The following ZNF275 variants were observed in gnomAD, a reference collection of about 807,000 sequenced individuals.
ZNF275 encodes the protein zinc finger protein 275.
ZNF275 carries 4 observed loss-of-function variants against 4.3 expected under a neutral mutation model. The observed-to-expected ratio is 0.93, with a 90% confidence interval of 0.46 to 2.13. The LOEUF (loss-of-function observed/expected upper bound fraction) is 2.13. Among genes scored for constraint, ZNF275 ranks in the 30% most tolerant of loss-of-function variants. ZNF275 has a pLI of 0.02. For synonymous variants in ZNF275, 173 were observed against 166.9 expected (o/e 1.04, Z -0.28); for missense variants, 352 against 397.1 (o/e 0.89, Z 0.97).
Position 153,347,167 on chromosome X carries a change from G to A in ZNF275, c.482G>A (p.Ser161Asn). The A allele has an allele frequency of 8.3e-7, 1 of 1,210,184 alleles. No individual in the cohort carries two copies. Among genetic ancestry groups the A allele is most frequent in the South Asian group, 1.8e-5 (1 of 56,782 alleles). ...GCTGCGGAGCCCCAGCCCGGCCCCA[G>A]TAGGGCCCTGGAGAATGCCGCGGAG... ...HVAAEPQPGP[S>N]RALENAAEKR... The change falls in exon 4 of 4, where the codon AGT (serine) becomes AAT (asparagine). Residue 161 changes from serine to asparagine, a missense_variant. Physicochemically the swap from Ser to Asn is conservative, Grantham distance 46. Transcript: ENST00000650114.
At chrX:153,345,323 C>A in intron 2 of ZNF275, 197 bp from the exon 3 acceptor site, 1 of 347,702 alleles carries the variant, frequency 2.9e-6, no homozygotes, top group Non-Finnish European at 5.1e-6. Flanking sequence ...CCAAGGTGGG[C>A]CCAGAGGCTG....
chrX:153,334,192 G>A lies in ZNF275; in HGVS notation c.-140G>A, dbSNP rs1480778879. 1 of 111,395 alleles carries A rather than the reference G, an allele frequency of 9.0e-6. No individual in the cohort carries two copies. Among genetic ancestry groups the A allele is most frequent in the Non-Finnish European group, 1.9e-5 (1 of 52,744 alleles). 9.2% of individuals were successfully genotyped at this position (111,395 alleles called of 1,213,427 possible). ...GGGCTGTTAGCTCGGCTGGGCACGG[G>A]CGGCTCCGTGGCGCTTCCTGCCACG... On this transcript the variant is annotated 5_prime_UTR_variant, in exon 1 of 4. Coordinates refer to ENST00000650114, the MANE Select transcript of ZNF275 (RefSeq NM_001367757.1).
intron 2 of ZNF275, chrX:153,343,559 G>A: frequency 9.9e-6 from 3 of 303,676 alleles, no homozygotes; most frequent in Non-Finnish European, 1.9e-5. Flanking sequence ...CTTTTCATTT[G>A]GGTTGAACAC....
chrX:153,337,918 G>A (rs1301085312), intron 2 of ZNF275, among the ~76,000 whole-genome samples: 1 of 112,165 alleles, frequency 8.9e-6, no homozygotes, highest in African/African-American at 3.3e-5. Flanking sequence ...TGCACCCTAT[G>A]AGATTCAGGA....
At chrX:153,335,027 G>A (rs1006805195) in intron 1 of ZNF275, among the ~76,000 whole-genome samples, 7 of 110,938 alleles carry the variant, frequency 6.3e-5, no homozygotes, top group South Asian at 3.8e-4. Context: ...ACTGGGGGCC[G>A]CCATCTCCCA....
At chrX:153,336,528 C>T in intron 1 of ZNF275, 106 bp from the exon 2 acceptor site, 1 of 540,504 alleles carries the variant, frequency 1.9e-6, no homozygotes, top group South Asian at 3.1e-5. Flanking sequence ...TCAGTTGAAC[C>T]CTGTATCTGG....
chrX:153,334,560 G>T (rs1392366802), intron 1 of ZNF275, among the ~76,000 whole-genome samples: 1 of 111,034 alleles, frequency 9.0e-6, no homozygotes, highest in African/African-American at 3.3e-5. Context: ...TGACGAGTAC[G>T]AAGAGGCCCG....
intron 1 of ZNF275, chrX:153,335,461 C>T (rs781836430): frequency 4.7e-5 from 5 of 106,386 alleles, no homozygotes; most frequent in Non-Finnish European, 9.8e-5. Context: ...AAGCCACTTG[C>T]ACAGTATCTG....
rs782734867 is a variant in ZNF275, at chrX:153,347,352, C to T, written c.667C>T (p.His223Tyr). The change falls in exon 4 of 4, where the codon CAC becomes TAC. Residue 223 changes from histidine (H) to tyrosine (Y), a missense_variant. By Grantham distance (83) the His-to-Tyr change is moderately conservative (BLOSUM62 2). Coordinates refer to ENST00000650114, the MANE Select transcript of ZNF275 (RefSeq NM_001367757.1). Reference protein sequence around the residue: ...ECGRSFKVNTHLFRHQKLHTS... With the variant: ...ECGRSFKVNTYLFRHQKLHTS... ...CGGGCGGTCGTTCAAAGTCAACACCCACCTCTTCCGACATCAGAAACTTCA... is the reference window on the plus strand; with the variant it reads ...CGGGCGGTCGTTCAAAGTCAACACCTACCTCTTCCGACATCAGAAACTTCA... 20 of 1,212,240 alleles carry T rather than the reference C, an allele frequency of 1.6e-5. No homozygotes were observed. The highest frequency in any genetic ancestry group is 2.1e-5 in the Non-Finnish European group (19 of 895,508).
At chrX:153,334,921 G>T (rs1451951473) in intron 1 of ZNF275, among the ~76,000 whole-genome samples, 1 of 108,184 alleles carries the variant, frequency 9.2e-6, no homozygotes. Flanking sequence ...GGGGCCGGTA[G>T]GTAGCCTAGA....
chrX:153,340,352 C>A (rs1019731633), intron 2 of ZNF275, among the ~76,000 whole-genome samples: 1 of 112,209 alleles, frequency 8.9e-6, no homozygotes, highest in Admixed American at 9.4e-5. Flanking sequence ...GGGCCTGTCT[C>A]TAGGCTTTCT....
At chrX:153,335,890 A>G (rs1292280864) in intron 1 of ZNF275, among the ~76,000 whole-genome samples, 1 of 111,473 alleles carries the variant, frequency 9.0e-6, no homozygotes, top group Admixed American at 9.5e-5. Flanking sequence ...TTTCTCACCC[A>G]GTGATCCAGC....
Position 153,348,054 on chromosome X carries a change from A to G in ZNF275, c.*79A>G, listed in dbSNP as rs1556961913. The G allele has an allele frequency of 3.0e-6, 3 of 997,015 alleles. No homozygotes were observed. The African/African-American group carries it at 5.8e-5, about 19-fold the overall frequency. The allele number at this position is 997,015 out of a possible 1,213,427, so 82.2% of individuals were successfully genotyped here. A position where few individuals can be genotyped will look rare whatever the true frequency, so the allele number is the denominator to read the frequency against. On this transcript the variant is annotated 3_prime_UTR_variant, in exon 4 of 4. Transcript: ENST00000650114. ...AGTCAAAGGAGATGAACAGTTTTGT[A>G]GCGCTTATATATTTTGTCTTCCAAA...
Position 153,347,105 on chromosome X carries a change from G to T in ZNF275, c.420G>T (p.Gly140=). 8.3e-7 allele frequency: 1 copy of T among 1,211,499 alleles called. No individual in the cohort carries two copies. The highest frequency in any genetic ancestry group is 1.1e-6 in the Non-Finnish European group (1 of 895,331). Residue 140 remains glycine, a synonymous_variant, in exon 4 of 4, where the codon GGG becomes GGT. Coordinates refer to ENST00000650114, the MANE Select transcript of ZNF275 (RefSeq NM_001367757.1). ...GCGACTGCGGGAAGGTCTTTAGGGG[G>T]GTGGCGGAGTTTAATGAGCACAGGA... is the stretch of plus-strand genomic sequence containing the variant. ...ECGDCGKVFR[G]VAEFNEHRKS...
At chrX:153,346,273 G>A (rs1556961533) in intron 3 of ZNF275, among the ~76,000 whole-genome samples, 1 of 109,262 alleles carries the variant, frequency 9.2e-6, no homozygotes. Context: ...TGGGGTTCTA[G>A]TTAGTGTTTG....
intron 2 of ZNF275, among the ~76,000 whole-genome samples, chrX:153,339,048 G>C (rs1279658772): frequency 9.0e-6 from 1 of 111,161 alleles, no homozygotes; most frequent in African/African-American, 3.3e-5. Flanking sequence ...ATTACAGGAA[G>C]GGAGATGCAT....
rs1556961711 is a variant in ZNF275, at chrX:153,347,250, C to T, written c.565C>T (p.Arg189Trp). The T allele has an allele frequency of 6.6e-6, 8 of 1,209,248 alleles. No individual in the cohort carries two copies. Among genetic ancestry groups the T allele is most frequent in the African/African-American group, 3.5e-5 (2 of 57,134 alleles). Reference sequence around the variant, plus strand: ...CTTCGAGTGCGAGGAGTGCGGAAAACGGTTTAAGAAGAATGCAGGCCTGAG... The same window carrying T: ...CTTCGAGTGCGAGGAGTGCGGAAAATGGTTTAAGAAGAATGCAGGCCTGAG... ...KPFECEECGK[R>W]FKKNAGLSQH... The change falls in exon 4 of 4, where the codon CGG (arginine) becomes TGG (tryptophan). Residue 189 changes from arginine (R) to tryptophan (W), a missense_variant. Coordinates refer to ENST00000650114, the MANE Select transcript of ZNF275 (RefSeq NM_001367757.1).
chrX:153,339,234 C>T lies in ZNF275; in HGVS notation c.31+2524C>T, dbSNP rs114977682. ...GACCAAGAATGAGAAAGTGCCCCTGCGCTGTTGGAGCTCCATATCTCCTGG... is the reference window on the plus strand; with the variant it reads ...GACCAAGAATGAGAAAGTGCCCCTGTGCTGTTGGAGCTCCATATCTCCTGG... On this transcript the variant is annotated intron_variant, in intron 2 of 3. Coordinates refer to ENST00000650114, the MANE Select transcript of ZNF275 (RefSeq NM_001367757.1). Among the ~76,000 whole-genome samples the T allele has an allele frequency of 9.4e-3, 1,045 of 111,732 alleles. 16 individuals carry two copies. Among genetic ancestry groups the T allele is most frequent in the African/African-American group, 0.033 (1,000 of 30,750 alleles).
chrX:153,347,531 G>C lies in ZNF275; in HGVS notation c.846G>C (p.Glu282Asp). The change falls in exon 4 of 4, where the codon GAG becomes GAC. Residue 282 changes from glutamate to aspartate, a missense_variant. By Grantham distance (45) the Glu-to-Asp change is conservative. Transcript: ENST00000650114. ...KSFRGVNGLA[E>D]HQRIHSGAKP... is the part of the protein sequence containing the mutation. ...TCCGAGGGGTCAACGGGCTGGCCGA[G>C]CACCAGCGCATCCACAGTGGGGCCA... 1 of 1,191,057 alleles carries C rather than the reference G, an allele frequency of 8.4e-7. No homozygotes were observed. Among genetic ancestry groups the C allele is most frequent in the Non-Finnish European group, 1.1e-6 (1 of 885,719 alleles).
Sources: allele counts gnomAD v4.1 joint callset (sites outside exome capture counted in the v4.1 genomes callset), GRCh38; gene constraint gnomAD v4.1.1; transcripts MANE v1.5; gene names NCBI Gene and HGNC (gene_info 2026-07-23, HGNC 2026-07-21).